Variants in MTFR1 observed in about 807,000 individuals in gnomAD.
MTFR1 encodes mitochondrial fission regulator 1, also known as chondrocyte protein with a poly-proline region.
Under a neutral mutation model 38.8 loss-of-function variants are expected in MTFR1, and 28 were observed. That is an observed-to-expected ratio of 0.72 (90% CI 0.53 to 0.99). The LOEUF (loss-of-function observed/expected upper bound fraction) is 0.99. Ranked by LOEUF, MTFR1 falls within the 50% of genes least tolerant of loss-of-function variation. MTFR1 has a pLI of 0.00. For synonymous variants in MTFR1, 145 were observed against 137.0 expected (o/e 1.06, Z -0.41); for missense variants, 358 against 395.5 (o/e 0.91, Z 0.81).
chr8:65,765,631 C>G (rs1808743059), intron 3 of MTFR1: 1 of 143,592 alleles, frequency 7.0e-6, no homozygotes, highest in Admixed American at 7.0e-5. Flanking sequence ...TGAAAGAAAA[C>G]ATATTCCTTG....
At chr8:65,735,448 A>C (rs1365508789) in intron 3 of MTFR1, among the ~76,000 whole-genome samples, 1 of 151,908 alleles carries the variant, frequency 6.6e-6, no homozygotes, top group African/African-American at 2.4e-5. Context: ...AGTTGGAACC[A>C]CAGGTGCATG....
At chr8:65,747,502 A>T in intron 3 of MTFR1, 1 of 460,332 alleles carries the variant, frequency 2.2e-6, no homozygotes, top group Non-Finnish European at 3.8e-6. Context: ...TAAAACAAAC[A>T]GCTGCTCTAA....
rs893403357 is a variant in MTFR1, at chr8:65,648,998, C to T, written c.-81+4214C>T. On this transcript the variant is annotated intron_variant, in intron 1 of 7. Transcript: ENST00000262146. ...CTTCTGGATTCATAGGTTCTGTATC[C>T]GCAGATAGAAAATATTTGAAAAAAC... Among the ~76,000 whole-genome samples the T allele has an allele frequency of 4.0e-5, 6 of 151,146 alleles. 1 individual carries two copies. Among genetic ancestry groups the T allele is most frequent in the African/African-American group, 1.5e-4 (6 of 41,050 alleles).
At chr8:65,672,205 C>T (rs1187671593) in intron 2 of MTFR1, among the ~76,000 whole-genome samples, 1 of 152,184 alleles carries the variant, frequency 6.6e-6, no homozygotes, top group Admixed American at 6.5e-5. Flanking sequence ...AGCATATAAT[C>T]GTAAACTTTA....
intron 1 of MTFR1, among the ~76,000 whole-genome samples, chr8:65,666,845 T>G (rs1041185131): frequency 6.6e-6 from 1 of 152,122 alleles, no homozygotes; most frequent in Non-Finnish European, 1.5e-5. Flanking sequence ...CAAATATATA[T>G]CAAAAGTTCT....
At position 65,709,185 on chromosome 8, in the gene MTFR1, A is replaced by G. The variant is rs536901475; in HGVS notation, c.*141A>G. Reference sequence around the variant, plus strand: ...TTTCAGGCTAATTAGTGGATTAAGCAATAATGAAAGCACTAAGTTTGGTTT... The same window carrying G: ...TTTCAGGCTAATTAGTGGATTAAGCGATAATGAAAGCACTAAGTTTGGTTT... On this transcript the variant is annotated 3_prime_UTR_variant, in exon 8 of 8. Coordinates refer to ENST00000262146, the MANE Select transcript of MTFR1 (RefSeq NM_014637.4). 40 of 752,910 alleles carry G rather than the reference A, an allele frequency of 5.3e-5. 1 individual carries two copies. In the South Asian group the frequency reaches 6.9e-4, roughly 13 times the overall value. 46.6% of individuals were successfully genotyped at this position (752,910 alleles called of 1,614,324 possible). A position where few individuals can be genotyped will look rare whatever the true frequency, so the allele number is the denominator to read the frequency against.
At chr8:65,674,871 C>T (rs1804667059) in intron 2 of MTFR1, among the ~76,000 whole-genome samples, 1 of 152,128 alleles carries the variant, frequency 6.6e-6, no homozygotes, top group Non-Finnish European at 1.5e-5. Flanking sequence ...TGTTTAACTG[C>T]CTTGAACAAA....
intron 7 of MTFR1, chr8:65,708,296 G>C: frequency 2.0e-6 from 1 of 493,294 alleles, no homozygotes; most frequent in South Asian, 2.1e-5. Context: ...GTTAACCCCT[G>C]AGCTCACTAC....
At chr8:65,752,923 T>TC (rs1808036914) in intron 3 of MTFR1, among the ~76,000 whole-genome samples, 1 of 152,184 alleles carries the variant, frequency 6.6e-6, no homozygotes, top group African/African-American at 2.4e-5. Context: ...TCCAAATCTG[T>TC]CTTCCTTTCC....
At chr8:65,657,990 G>A (rs1261475365) in intron 1 of MTFR1, among the ~76,000 whole-genome samples, 1 of 152,026 alleles carries the variant, frequency 6.6e-6, no homozygotes, top group Non-Finnish European at 1.5e-5. Flanking sequence ...TGTCATCTGT[G>A]TTGCCTTATC....
chr8:65,727,597 A>C, intron 3 of MTFR1: 1 of 242,756 alleles, frequency 4.1e-6, no homozygotes, highest in Non-Finnish European at 7.8e-6. Context: ...TAAAACATAA[A>C]CCGTTCTTTT....
exon 3 of MTFR1, chr8:65,719,420 A>G: frequency 4.3e-6 from 7 of 1,614,096 alleles, no homozygotes; most frequent in Non-Finnish European, 5.9e-6. Context: ...GTGTCCAAGC[A>G]TTGTCTGGGA....
At chr8:65,763,967 T>C (rs1195368975) in intron 3 of MTFR1, among the ~76,000 whole-genome samples, 1 of 152,228 alleles carries the variant, frequency 6.6e-6, no homozygotes, top group Non-Finnish European at 1.5e-5. Context: ...CTTTCAACTT[T>C]AGGACAAACA....
chr8:65,751,121 C>A (rs78866638), intron 3 of MTFR1, among the ~76,000 whole-genome samples: 1 of 152,174 alleles, frequency 6.6e-6, no homozygotes, highest in African/African-American at 2.4e-5. Flanking sequence ...GTGTTTTCTT[C>A]ACCTACAGGG....
intron 3 of MTFR1, among the ~76,000 whole-genome samples, chr8:65,740,676 C>A (rs1480788961): frequency 1.3e-5 from 2 of 152,278 alleles, no homozygotes; most frequent in South Asian, 4.1e-4. Flanking sequence ...CTGGGATTTA[C>A]AGGCGTGAGC....
chr8:65,727,153 G>A (rs751291970), intron 3 of MTFR1: 1 of 1,384,376 alleles, frequency 7.2e-7, no homozygotes, highest in South Asian at 1.2e-5. Context: ...AAATCTTGAT[G>A]ATAAAATTGC....
intron 1 of MTFR1, among the ~76,000 whole-genome samples, chr8:65,645,610 C>T (rs1397047952): frequency 2.0e-5 from 3 of 151,874 alleles, no homozygotes; most frequent in African/African-American, 7.3e-5. Flanking sequence ...ACTGCAGCCT[C>T]CACCTCCTGG....
downstream of MTFR1, among the ~76,000 whole-genome samples, chr8:65,711,102 T>C (rs1191414622): frequency 6.6e-6 from 1 of 152,136 alleles, no homozygotes; most frequent in African/African-American, 2.4e-5. Flanking sequence ...TATCTTTACT[T>C]TTGCATTATT....
At position 65,730,171 on chromosome 8, in the gene MTFR1, CT is replaced by C. The variant is rs1179431555; in HGVS notation, c.*48+10716del. On this transcript the variant is annotated intron_variant, in intron 3 of 3. Transcript: ENST00000521247. ...TGTGAGGGATCCAGGTTGCGCACTT[CT>C]TTTTTTTTTTTTTTTTTTTTTTTTT... Among the ~76,000 whole-genome samples, 180 of 86,390 alleles carry C rather than the reference CT, an allele frequency of 2.1e-3. 10 individuals carry two copies. Among genetic ancestry groups the C allele is most frequent in the East Asian group, 4.7e-3 (9 of 1,928 alleles). 56.7% of individuals were successfully genotyped at this position (86,390 alleles called of 152,430 possible).
Sources: allele counts gnomAD v4.1 joint callset (sites outside exome capture counted in the v4.1 genomes callset), GRCh38; gene constraint gnomAD v4.1.1; transcripts MANE v1.5; gene names NCBI Gene and HGNC (gene_info 2026-07-23, HGNC 2026-07-21).